Variants in CNOT10 observed in about 807,000 individuals in gnomAD.
The protein encoded by CNOT10 is CCR4-NOT transcription complex, subunit 10.
CNOT10 carries 30 observed loss-of-function variants against 94.6 expected under a neutral mutation model. That is an observed-to-expected ratio of 0.32 (90% CI 0.24 to 0.43). CNOT10 has a LOEUF of 0.43. Among genes scored for constraint, CNOT10 ranks in the 20% least tolerant of loss-of-function variants. The pLI is 1.00. For missense variants in CNOT10, 759 were observed against 877.2 expected, an observed-to-expected ratio of 0.87 and a Z score of 1.70; for synonymous variants, 289 against 301.6, an observed-to-expected ratio of 0.96 and a Z score of 0.43.
chr3:32,750,726 A>G (rs1699927437), intron 13 of CNOT10, among the ~76,000 whole-genome samples: 1 of 151,640 alleles, frequency 6.6e-6, no homozygotes, highest in East Asian at 2.0e-4. Context: ...TAATTTTTGT[A>G]TTTTTAGCAG....
chr3:32,743,780 C>T (rs893932104), intron 13 of CNOT10, among the ~76,000 whole-genome samples: 2 of 152,102 alleles, frequency 1.3e-5, no homozygotes, highest in African/African-American at 2.4e-5. Context: ...TTGTACCTTT[C>T]GTGGGTACAG....
chr3:32,693,113 G>A (rs560862359), intron 1 of CNOT10, among the ~76,000 whole-genome samples: 7 of 152,274 alleles, frequency 4.6e-5, no homozygotes, highest in Non-Finnish European at 8.8e-5. Context: ...CATGTTAAAT[G>A]CTAAAAGCTT....
At position 32,728,666 on chromosome 3, in the gene CNOT10, GGTAA is replaced by G. The variant is rs1175412771; in HGVS notation, c.1215+804_1215+807del. 2.6e-5 allele frequency among the ~76,000 whole-genome samples: 4 copies of G among 152,042 alleles called. No homozygotes were observed. The East Asian group carries it at 5.8e-4, about 22-fold the overall frequency. On this transcript the variant is annotated intron_variant, in intron 10 of 18. Coordinates refer to ENST00000328834, the MANE Select transcript of CNOT10 (RefSeq NM_015442.3). ...GTCATTTGTTAACATTCTCATTCTT[GGTAA>G]GTAAGTATGGCAACATTAAAGAGTT...
At chr3:32,729,016 A>G (rs1435865181) in intron 10 of CNOT10, among the ~76,000 whole-genome samples, 1 of 152,172 alleles carries the variant, frequency 6.6e-6, no homozygotes, top group Non-Finnish European at 1.5e-5. Flanking sequence ...GAATGACGTG[A>G]ACCCAGGAGG....
chr3:32,711,398 A>G (rs1697885071), intron 4 of CNOT10, among the ~76,000 whole-genome samples: 1 of 152,224 alleles, frequency 6.6e-6, no homozygotes, highest in Non-Finnish European at 1.5e-5. Context: ...CATATTGTTT[A>G]GGGAACAATG....
chr3:32,695,638 G>A lies in CNOT10; in HGVS notation c.23-8230G>A, dbSNP rs1312917963. On this transcript the variant is annotated intron_variant, in intron 1 of 18. Coordinates refer to ENST00000328834, the MANE Select transcript of CNOT10 (RefSeq NM_015442.3). The stretch of plus-strand genomic sequence containing the variant: ...TGTTTATTTAGAAATGAAGTCTATT[G>A]GTGTAAAGACTGTCAAGGTTTGTGG... 4 of 1,535,520 alleles carry A rather than the reference G, an allele frequency of 2.6e-6. No individual in the cohort carries two copies. The African/African-American group carries it at 5.5e-5, about 21-fold the overall frequency.
At position 32,720,859 on chromosome 3, in the gene CNOT10, C is replaced by CCCTTCCTT. The variant is rs1169334696; in HGVS notation, c.862+634_862+635insTTCCTTCC. ...TCCCTTCCTCCCTTCCTCCCTTCCT[C>CCCTTCCTT]CCTTCCCTCCTTCCTTCTTTCTTTT... On this transcript the variant is annotated intron_variant, in intron 8 of 18. Coordinates refer to ENST00000328834, the MANE Select transcript of CNOT10 (RefSeq NM_015442.3). Among the ~76,000 whole-genome samples, 593 of 137,982 alleles carry CCCTTCCTT rather than the reference C, an allele frequency of 4.3e-3. 13 individuals are homozygous for CCCTTCCTT. Among genetic ancestry groups the CCCTTCCTT allele is most frequent in the African/African-American group, 0.015 (556 of 36,860 alleles). 90.5% of individuals were successfully genotyped at this position (137,982 alleles called of 152,430 possible). A position where few individuals can be genotyped will look rare whatever the true frequency, so the allele number is the denominator to read the frequency against.
rs534927280 is a variant in CNOT10, at chr3:32,710,683, A to G, written c.430+1863A>G. On this transcript the variant is annotated intron_variant, in intron 4 of 18. Coordinates refer to ENST00000328834, the MANE Select transcript of CNOT10 (RefSeq NM_015442.3). Reference sequence around the variant, plus strand: ...CTGTCTCTACAGTTTTGCCTTTTCTACAGTGTCAAACTTGGAATCATAACT... The same window carrying G: ...CTGTCTCTACAGTTTTGCCTTTTCTGCAGTGTCAAACTTGGAATCATAACT... Among the ~76,000 whole-genome samples, 11 of 152,176 alleles carry G rather than the reference A, an allele frequency of 7.2e-5. No individual in the cohort carries two copies. In the South Asian group the frequency reaches 1.0e-3, roughly 14 times the overall value.
rs1449854518 is a variant in CNOT10, at chr3:32,685,454, C to T, written c.-7C>T. On this transcript the variant is annotated 5_prime_UTR_variant, in exon 1 of 19. Transcript: ENST00000328834. Reference sequence around the variant, plus strand: ...CTGCAGGGAAGAACCCGAGTCGAAGCGGGAAGATGGCTGCAGACAAGCCTG... The same window carrying T: ...CTGCAGGGAAGAACCCGAGTCGAAGTGGGAAGATGGCTGCAGACAAGCCTG... The T allele has an allele frequency of 1.9e-6, 3 of 1,550,260 alleles. No individual in the cohort carries two copies. The highest frequency in any genetic ancestry group is 2.0e-5 in the Admixed American group (1 of 50,996).
At chr3:32,720,891 T>TTTCC (rs745348303) in intron 8 of CNOT10, among the ~76,000 whole-genome samples, 3,437 of 107,264 alleles carry the variant, frequency 0.032, 86 homozygotes, top group East Asian at 0.064. Flanking sequence ...TTTTCCTTCT[T>TTTCC]TTCCTTCCTT....
chr3:32,740,590 C>T (rs1056094234), intron 13 of CNOT10, among the ~76,000 whole-genome samples: 7 of 151,714 alleles, frequency 4.6e-5, no homozygotes, highest in Admixed American at 2.0e-4. Context: ...TGGCTGGGCG[C>T]GGTGGCTCAT....
chr3:32,687,098 G>A (rs1696631927), intron 1 of CNOT10, among the ~76,000 whole-genome samples: 1 of 152,160 alleles, frequency 6.6e-6, no homozygotes, highest in African/African-American at 2.4e-5. Context: ...TTCCTGCTTT[G>A]ATATAAGGTT....
intron 13 of CNOT10, among the ~76,000 whole-genome samples, chr3:32,749,326 C>G (rs1252109615): frequency 4.0e-5 from 6 of 151,760 alleles, no homozygotes; most frequent in Non-Finnish European, 8.8e-5. Context: ...AATCCAAGAT[C>G]ATGAGGATTT....
At position 32,753,584 on chromosome 3, in the gene CNOT10, AAGG is replaced by A. The variant is rs1700059400; in HGVS notation, c.1596-5871_1596-5869del. The A allele has an allele frequency of 2.7e-5, 43 of 1,586,412 alleles. 2 individuals carry two copies. The South Asian group carries it at 4.4e-4, about 16-fold the overall frequency. On this transcript the variant is annotated intron_variant, in intron 13 of 18. Transcript: ENST00000328834. ...GTGAGATGGGAAAAGCTAGAGGAGCAAGGAGATGTGCCTACACCAAAACAATTC... is the reference window on the plus strand; with the variant it reads ...GTGAGATGGGAAAAGCTAGAGGAGCAAGATGTGCCTACACCAAAACAATTC...
chr3:32,759,590 G>A lies in CNOT10; in HGVS notation c.1709+19G>A, dbSNP rs367828472. Reference sequence around the variant, plus strand: ...CTCTTAAGTAAGTGTGACTTGCCCTGTGTGTCCCTGGTTTCTTTAGTTTTG... The same window carrying A: ...CTCTTAAGTAAGTGTGACTTGCCCTATGTGTCCCTGGTTTCTTTAGTTTTG... On this transcript the variant is annotated intron_variant, in intron 14 of 18. Transcript: ENST00000328834. 3.2e-6 allele frequency: 5 copies of A among 1,551,266 alleles called. No homozygotes were observed. Among genetic ancestry groups the A allele is most frequent in the Admixed American group, 1.7e-5 (1 of 59,402 alleles).
chr3:32,753,830 A>G (rs1700072624), intron 13 of CNOT10: 1 of 1,555,760 alleles, frequency 6.4e-7, no homozygotes, highest in South Asian at 1.1e-5. Flanking sequence ...AGTTTTGAGT[A>G]CCAGCTGGTC....
rs763540420 is a variant in CNOT10, at chr3:32,759,571, A to C, written c.1709A>C (p.Lys570Thr). 3 of 1,607,640 alleles carry C rather than the reference A, an allele frequency of 1.9e-6. No homozygotes were observed. Among genetic ancestry groups the C allele is most frequent in the Non-Finnish European group, 2.6e-6 (3 of 1,174,400 alleles). Residue 570 changes from lysine (K) to threonine (T), a missense_variant and splice_region_variant, in exon 14 of 19, where the codon AAG becomes ACG. Around this residue, in one of 3 missense-constraint regions of CNOT10, gnomAD observed 682 missense variants for 799.4 expected, o/e 0.85. Coordinates refer to ENST00000328834, the MANE Select transcript of CNOT10 (RefSeq NM_015442.3). ...LQQPKLSGSL[K>T]FLGHLYAAEA... is the part of the protein sequence containing the mutation. ...CAGCCCAAGCTGTCAGGATCTCTTA[A>C]GTAAGTGTGACTTGCCCTGTGTGTC...
intron 13 of CNOT10, among the ~76,000 whole-genome samples, chr3:32,752,289 CAAA>C (rs766064390): frequency 1.5e-5 from 2 of 136,170 alleles, no homozygotes; most frequent in African/African-American, 2.7e-5. Context: ...AACTCCGTCT[CAAA>C]AAAAAAAAAA....
Position 32,727,834 on chromosome 3 carries a change from A to T in CNOT10, c.1179A>T (p.Leu393=), listed in dbSNP as rs764689390. Residue 393 remains leucine, a synonymous_variant, in exon 10 of 19, where the codon CTA becomes CTT. Coordinates refer to ENST00000328834, the MANE Select transcript of CNOT10 (RefSeq NM_015442.3). ...ATCATGCAAATCCTCGCCTCTGGCT[A>T]CGGCTGGCTGAATGCTGCATTGCTG... ...QVYHANPRLW[L]RLAECCIAAN... 1.2e-6 allele frequency: 2 copies of T among 1,613,570 alleles called. No homozygotes were observed. The highest frequency in any genetic ancestry group is 1.7e-6 in the Non-Finnish European group (2 of 1,179,924).
Sources: allele counts gnomAD v4.1 joint callset (sites outside exome capture counted in the v4.1 genomes callset), GRCh38; gene constraint gnomAD v4.1.1; regional missense constraint gnomAD v4.1.1; transcripts MANE v1.5; gene names NCBI Gene and HGNC (gene_info 2026-07-23, HGNC 2026-07-21).